The following LRRC49 variants were observed in gnomAD, a reference collection of about 807,000 sequenced individuals.
LRRC49 encodes the protein leucine rich repeat containing 49, also known as leucine-rich repeat-containing protein 49.
LRRC49 carries 50 observed loss-of-function variants against 83.3 expected under a neutral mutation model. That is an observed-to-expected ratio of 0.60 (90% CI 0.48 to 0.76). The LOEUF (loss-of-function observed/expected upper bound fraction) is 0.76. Ranked by LOEUF, LRRC49 falls within the 30% of genes least tolerant of loss-of-function variation. The pLI, the probability that LRRC49 is intolerant of heterozygous loss-of-function variation, is 0.00. For missense variants in LRRC49, 704 were observed against 809.1 expected (o/e 0.87, Z 1.58); for synonymous variants, 286 against 283.3 (o/e 1.01, Z -0.10).
At chr15:70,927,224 AT>A (rs2035234965) in intron 7 of LRRC49, among the ~76,000 whole-genome samples, 1 of 152,092 alleles carries the variant, frequency 6.6e-6, no homozygotes, top group Admixed American at 6.5e-5. Context: ...CAATTCTATG[AT>A]TCTCATTGTG....
chr15:71,001,481 A>G (rs1175189134), intron 11 of LRRC49, among the ~76,000 whole-genome samples: 2 of 152,136 alleles, frequency 1.3e-5, no homozygotes, highest in Non-Finnish European at 2.9e-5. Flanking sequence ...TTTCCAGTGC[A>G]TATTTGAGAA....
intron 14 of LRRC49, among the ~76,000 whole-genome samples, chr15:71,030,058 C>T (rs1035667804): frequency 3.3e-5 from 5 of 152,278 alleles, no homozygotes; most frequent in African/African-American, 1.2e-4. Context: ...TTGATTCTCT[C>T]ATCATGATAC....
chr15:70,877,507 A>G (rs1350603743), intron 2 of LRRC49, among the ~76,000 whole-genome samples: 1 of 152,186 alleles, frequency 6.6e-6, no homozygotes, highest in Non-Finnish European at 1.5e-5. Context: ...TTCAAAATTA[A>G]TCCAGGTTGT....
intron 1 of LRRC49, among the ~76,000 whole-genome samples, chr15:70,860,647 A>G (rs976346911): frequency 4.6e-5 from 7 of 152,182 alleles, no homozygotes; most frequent in African/African-American, 1.7e-4. Context: ...TTGGCCTCCC[A>G]AAGTGCTGGA....
chr15:70,948,084 ATCCCATT>A, intron 8 of LRRC49, among the ~76,000 whole-genome samples: 1 of 151,996 alleles, frequency 6.6e-6, no homozygotes. Context: ...GGGTCATTTC[ATCCCATT>A]TCCTGTGTGT....
At chr15:70,903,959 A>C (rs572931793) in intron 4 of LRRC49, among the ~76,000 whole-genome samples, 4 of 152,306 alleles carry the variant, frequency 2.6e-5, no homozygotes, top group Non-Finnish European at 5.9e-5. Flanking sequence ...ACATATACTT[A>C]AAATCTTAGT....
intron 1 of LRRC49, chr15:70,858,906 G>A (rs190767185): frequency 2.8e-4 from 215 of 769,878 alleles, no homozygotes; most frequent in Non-Finnish European, 3.3e-4. Flanking sequence ...AGGCATCACC[G>A]CTGTCACGGT....
intron 5 of LRRC49, chr15:70,907,971 C>T: frequency 4.4e-6 from 2 of 455,988 alleles, no homozygotes; most frequent in Non-Finnish European, 8.8e-6. Flanking sequence ...CTTCATTTAC[C>T]TCTGAATTCT....
chr15:70,911,652 G>T, intron 6 of LRRC49, 54 bp downstream of exon 6: 1 of 1,099,954 alleles, frequency 9.1e-7, no homozygotes, highest in South Asian at 1.5e-5. Context: ...CCAGGAAAAT[G>T]GTATAAAAGT....
At chr15:70,970,189 G>T (rs978336362) in intron 9 of LRRC49, among the ~76,000 whole-genome samples, 2 of 152,040 alleles carry the variant, frequency 1.3e-5, no homozygotes, top group African/African-American at 4.8e-5. Flanking sequence ...AGCATGAAGC[G>T]GTATTGAATT....
At chr15:70,902,516 C>T (rs1210897560) in intron 4 of LRRC49, 2 of 152,166 alleles carry the variant, frequency 1.3e-5, no homozygotes, top group Non-Finnish European at 2.9e-5. Context: ...TTGACAAGAA[C>T]CAGGATGTGC....
At chr15:70,934,229 A>G (rs914255728) in intron 7 of LRRC49, among the ~76,000 whole-genome samples, 2 of 152,236 alleles carry the variant, frequency 1.3e-5, no homozygotes, top group Non-Finnish European at 2.9e-5. Flanking sequence ...TAATGCATGC[A>G]TAGATAATTG....
intron 9 of LRRC49, among the ~76,000 whole-genome samples, chr15:70,972,446 C>T (rs2141210867): frequency 6.6e-6 from 1 of 152,286 alleles, no homozygotes; most frequent in South Asian, 2.1e-4. Context: ...CTTGGTGTAT[C>T]TGATGATTAT....
chr15:70,910,849 T>C (rs2034521823), intron 5 of LRRC49, among the ~76,000 whole-genome samples: 1 of 152,176 alleles, frequency 6.6e-6, no homozygotes, highest in South Asian at 2.1e-4. Flanking sequence ...CACATTTTGA[T>C]TTGGCAAGAG....
intron 1 of LRRC49, among the ~76,000 whole-genome samples, chr15:70,870,991 T>A (rs1293869848): frequency 6.6e-6 from 1 of 150,614 alleles, no homozygotes; most frequent in African/African-American, 2.5e-5. Context: ...TTCTTGGGTG[T>A]TTCTCGGAGA....
rs570767802 is a variant in LRRC49, at chr15:70,980,151, G to A, written c.972G>A (p.Lys324=). 277 of 1,612,378 alleles carry A rather than the reference G, an allele frequency of 1.7e-4. 3 individuals are homozygous for A. In the South Asian group the frequency reaches 2.9e-3, roughly 17 times the overall value. Residue 324 remains lysine, a synonymous_variant, in exon 10 of 16, where the codon AAG becomes AAA. Transcript: ENST00000260382. ...TTTTAGCCAAAAAAGAGGAAGAGAA[G>A]AAGCGGGAAAGTCATAAACAATCTT... ...ASVLAKKEEE[K]KRESHKQSLL...
At chr15:70,892,180 C>G (rs752762366), upstream of LRRC49, 1 of 1,610,692 alleles carries the variant, frequency 6.2e-7, no homozygotes, top group Non-Finnish European at 8.5e-7. Context: ...GGTCCCAGAG[C>G]AGCCGCACGG....
chr15:71,002,531 TG>T (rs1169255114), intron 11 of LRRC49, among the ~76,000 whole-genome samples: 1 of 152,136 alleles, frequency 6.6e-6, no homozygotes, highest in Admixed American at 6.5e-5. Context: ...TTGCTTACAT[TG>T]GATGCATGCA....
chr15:70,945,639 G>GT (rs544555851), intron 8 of LRRC49, among the ~76,000 whole-genome samples: 1,561 of 137,260 alleles, frequency 0.011, 15 homozygotes, highest in Middle Eastern at 0.019. Context: ...TATTAAAGAT[G>GT]TTTTTTTTTT....
Sources: allele counts gnomAD v4.1 joint callset (sites outside exome capture counted in the v4.1 genomes callset), GRCh38; gene constraint gnomAD v4.1.1; transcripts MANE v1.5; gene names NCBI Gene and HGNC (gene_info 2026-07-23, HGNC 2026-07-21).